The following DDX54 variants were observed in gnomAD, a reference collection of about 807,000 sequenced individuals.
DDX54 encodes the protein DEAD-box helicase 54.
DDX54 carries 67 observed loss-of-function variants against 105.5 expected under a neutral mutation model. The observed-to-expected ratio is 0.64, with a 90% CI of 0.52 to 0.78. The LOEUF is 0.78. Among genes scored for constraint, DDX54 ranks in the 30% least tolerant of loss-of-function variants. The probability of loss-of-function intolerance (pLI) is 0.00; values close to 1 mark genes in which losing one functional copy is unlikely to be tolerated. For missense variants in DDX54, 1,206 were observed against 1,230.5 expected (o/e 0.98, Z 0.30); for synonymous variants, 514 against 509.9 (o/e 1.01, Z -0.11).
In DDX54 at chr12:113,161,973, C is replaced by A. The variant is rs750388968; in HGVS notation, c.2220G>T (p.Val740=). 10 of 1,613,284 alleles carry A rather than the reference C, an allele frequency of 6.2e-6. No individual in the cohort carries two copies. The highest frequency in any genetic ancestry group is 8.5e-6 in the Non-Finnish European group (10 of 1,179,990). Residue 740 remains valine (V), a synonymous_variant, in exon 18 of 20, where the codon GTG becomes GTT. Transcript: ENST00000306014. The part of the protein sequence containing the change: ...LKWDRKKKRF[V]GQSGQEDKKK... ...TCTTGTCTTCCTGTCCTGACTGTCC[C>A]ACAAACCGCTTCTTCTTACGGTCCC...
chr12:113,179,801 C>T (rs61941443), intron 3 of DDX54, 134 bp downstream of exon 3: 80,076 of 1,068,240 alleles, frequency 0.075, 3,630 homozygotes, highest in Non-Finnish European at 0.088. Flanking sequence ...AGTGGGCACG[C>T]TAGCTGGGGC....
At chr12:113,164,035 C>A in intron 15 of DDX54, 32 bp downstream of exon 15, 1 of 1,525,360 alleles carries the variant, frequency 6.6e-7, no homozygotes, top group South Asian at 1.2e-5. Flanking sequence ...CCCCATACCC[C>A]AGGTCCAGGG....
intron 12 of DDX54, among the ~76,000 whole-genome samples, chr12:113,166,637 G>A (rs1007951979): frequency 2.0e-5 from 3 of 151,646 alleles, no homozygotes; most frequent in Non-Finnish European, 4.4e-5. Flanking sequence ...GGGAGCTCAC[G>A]GCTGCAGTGA....
chr12:113,160,731 C>A (rs1381980769), intron 19 of DDX54, among the ~76,000 whole-genome samples: 1 of 152,234 alleles, frequency 6.6e-6, no homozygotes, highest in Non-Finnish European at 1.5e-5. Context: ...AAAGCTGCTT[C>A]TGACTGCGTC....
At chr12:113,164,730 A>G (rs534718365) in intron 14 of DDX54, among the ~76,000 whole-genome samples, 1 of 151,026 alleles carries the variant, frequency 6.6e-6, no homozygotes, top group Non-Finnish European at 1.5e-5. Context: ...AAAACCAAAC[A>G]AAAACACAGA....
Position 113,174,715 on chromosome 12 carries a change from C to CA in DDX54, c.992dup (p.His332AlafsTer25). On this transcript the variant is annotated frameshift_variant, in exon 10 of 20. Coordinates refer to ENST00000306014, the MANE Select transcript of DDX54 (RefSeq NM_024072.4). LOFTEE classifies it high-confidence loss of function. ...GGTCCTGGGGCCGCACCACGTTGTG[C>CA]AGCAGGTGGAGCAGCACGGCAGCCT... The CA allele has an allele frequency of 6.2e-7, 1 of 1,609,296 alleles. No homozygotes were observed. The highest frequency in any genetic ancestry group is 8.5e-7 in the Non-Finnish European group (1 of 1,175,970).
rs879749875 is a variant in DDX54 at position 113,163,127 on chromosome 12, C to G, written c.2081+5G>C. 2.7e-5 allele frequency: 44 copies of G among 1,612,832 alleles called. No homozygotes were observed. The highest frequency in any genetic ancestry group is 3.7e-5 in the Non-Finnish European group (44 of 1,179,900). ...GCCCCACCCAGGACCCAGCCAGCCACTCACCCCCGCTCGCTGTCAAAGTCC... is the reference window on the plus strand; with the variant it reads ...GCCCCACCCAGGACCCAGCCAGCCAGTCACCCCCGCTCGCTGTCAAAGTCC... On this transcript the variant is annotated splice_donor_5th_base_variant and intron_variant, in intron 16 of 19. Transcript: ENST00000306014. This position sits in a 1 kb window ranked among gnomAD's most constrained non-coding sequence, Gnocchi z 5.9.
Position 113,163,163 on chromosome 12 carries a change from A to G in DDX54, c.2050T>C (p.Tyr684His). The change falls in exon 16 of 20, where the codon TAC (tyrosine) becomes CAC (histidine). Residue 684 changes from tyrosine (Y) to histidine (H), a missense_variant. Tyr to His is a moderately conservative substitution (Grantham distance 83). This residue lies in a region of DDX54 where 961 missense variants were observed against 1,019.1 expected (regional missense o/e 0.94). Transcript: ENST00000306014. The surrounding 1 kb of genome is among the most constrained non-coding windows in gnomAD (Gnocchi z 5.9). ...RQRDQEFYIPYRPKDFDSERG... is the reference protein window; with the variant it reads ...RQRDQEFYIPHRPKDFDSERG... ...TCGCTGTCAAAGTCCTTGGGCCGGT[A>G]GGGGATGTAGAATTCCTGGTCCCGC... 2 of 1,613,170 alleles carry G rather than the reference A, an allele frequency of 1.2e-6. No individual in the cohort carries two copies. Among genetic ancestry groups the G allele is most frequent in the Non-Finnish European group, 1.7e-6 (2 of 1,179,996 alleles).
intron 1 of DDX54, among the ~76,000 whole-genome samples, chr12:113,184,172 C>T: frequency 6.6e-6 from 1 of 152,160 alleles, no homozygotes; most frequent in East Asian, 1.9e-4. Flanking sequence ...TCTTGAACTC[C>T]CGACCTCAGG....
chr12:113,164,296 G>A lies in DDX54; in HGVS notation c.1720-11C>T, dbSNP rs1952248049. 1.3e-6 allele frequency: 2 copies of A among 1,576,854 alleles called. No individual in the cohort carries two copies. On this transcript the variant is annotated splice_polypyrimidine_tract_variant and intron_variant, in intron 14 of 19. Coordinates refer to ENST00000306014, the MANE Select transcript of DDX54 (RefSeq NM_024072.4). ...GATCTCAAAGATAGTCTGTGGAGGG[G>A]ACACCCAGTCCTTTGCCCACTGGCC...
intron 3 of DDX54, 34 bp downstream of exon 3, chr12:113,179,901 C>G: frequency 3.1e-6 from 5 of 1,612,694 alleles, no homozygotes; most frequent in Non-Finnish European, 3.4e-6. Flanking sequence ...TCACTCCTCC[C>G]TCGCCCTCAC....
chr12:113,159,665 T>C (rs748746974), intron 19 of DDX54, among the ~76,000 whole-genome samples: 2 of 151,960 alleles, frequency 1.3e-5, no homozygotes, highest in Non-Finnish European at 2.9e-5. Context: ...TAGATGAACC[T>C]TCCTTTAGGT....
At chr12:113,180,149 A>T in intron 2 of DDX54, 144 bp from the exon 3 acceptor site, 1 of 800,064 alleles carries the variant, frequency 1.2e-6, no homozygotes, top group Admixed American at 2.1e-5. Context: ...TGAAAGGTGA[A>T]ATGAGACTTA....
At chr12:113,159,811 C>T (rs75962736) in intron 19 of DDX54, among the ~76,000 whole-genome samples, 5,775 of 152,166 alleles carry the variant, frequency 0.038, 289 homozygotes, top group East Asian at 0.2. Flanking sequence ...TCTTCTAGTT[C>T]TCCGGGAGGC....
At chr12:113,161,554 G>C in intron 18 of DDX54, 172 bp from the exon 19 acceptor site, 1 of 588,094 alleles carries the variant, frequency 1.7e-6, no homozygotes. Flanking sequence ...GAAGCTGCTC[G>C]GCCCCGCCCC....
intron 2 of DDX54, among the ~76,000 whole-genome samples, chr12:113,180,580 G>A (rs2136326731): frequency 6.6e-6 from 1 of 152,348 alleles, no homozygotes; most frequent in African/African-American, 2.4e-5. Flanking sequence ...TTTGTAAAGA[G>A]TAACAGAGTC....
Position 113,157,993 on chromosome 12 carries a change from T to G in DDX54, c.*884A>C. ...GGTTGGGGCATGAAAAAAAACTCTT[T>G]GTCAGGTCTCAGAACAGGGTCCATG... On this transcript the variant is annotated 3_prime_UTR_variant, in exon 20 of 20. Coordinates refer to ENST00000306014, the MANE Select transcript of DDX54 (RefSeq NM_024072.4). The G allele has an allele frequency of 2.5e-6, 1 of 401,674 alleles. No individual in the cohort carries two copies. The highest frequency in any genetic ancestry group is 4.6e-6 in the Non-Finnish European group (1 of 216,718). 24.9% of individuals were successfully genotyped at this position (401,674 alleles called of 1,614,324 possible). A position where few individuals can be genotyped will look rare whatever the true frequency, so the allele number is the denominator to read the frequency against.
rs1381271929 is a variant in DDX54 at position 113,157,364 on chromosome 12, G to A, written c.*1513C>T. On this transcript the variant is annotated 3_prime_UTR_variant, in exon 20 of 20. Coordinates refer to ENST00000306014, the MANE Select transcript of DDX54 (RefSeq NM_024072.4). Reference sequence around the variant, plus strand: ...ATTGGATAGTGCAGGTGACAGCAGCGAGGAAGCTGTGAAGGTGTCTGCTCA... The same window carrying A: ...ATTGGATAGTGCAGGTGACAGCAGCAAGGAAGCTGTGAAGGTGTCTGCTCA... 2.1e-5 allele frequency: 12 copies of A among 572,704 alleles called. No individual in the cohort carries two copies. Among genetic ancestry groups the A allele is most frequent in the East Asian group, 5.6e-5 (2 of 35,790 alleles). The allele number at this position is 572,704 out of a possible 1,614,324, so 35.5% of individuals were successfully genotyped here.
At position 113,163,487 on chromosome 12, in the gene DDX54, G is replaced by C. The variant is rs1295700674; in HGVS notation, c.1939-213C>G. Among the ~76,000 whole-genome samples the C allele has an allele frequency of 6.6e-6, 1 of 152,172 alleles. No homozygotes were observed. The highest frequency in any genetic ancestry group is 1.5e-5 in the Non-Finnish European group (1 of 68,024). On this transcript the variant is annotated intron_variant, in intron 15 of 19. Transcript: ENST00000306014. This position sits in a 1 kb window ranked among gnomAD's most constrained non-coding sequence, Gnocchi z 5.9. ...CACACACAGTGCAACCCCTGCCTCA[G>C]GGACCAGCAGAGGCAGGACAGCTGG...
Sources: gnomAD v4.1 joint callset for allele counts (sites outside exome capture counted in the v4.1 genomes callset) on GRCh38, gnomAD v4.1.1 for gene constraint, gnomAD v4.1.1 regional missense constraint, Gnocchi (gnomAD v3.1) non-coding constraint, MANE v1.5 for transcripts, NCBI Gene and HGNC (gene_info 2026-07-23, HGNC 2026-07-21) for gene names.